Variants in FBXL17 observed in about 807,000 individuals in gnomAD.
FBXL17 encodes the protein F-box/LRR-repeat protein 17.
A neutral mutation model predicts 66.2 loss-of-function variants in FBXL17; 22 were observed. That is an observed-to-expected ratio of 0.33 (90% CI 0.24 to 0.47). The LOEUF (loss-of-function observed/expected upper bound fraction) is 0.47. Ranked by LOEUF, FBXL17 falls within the 20% of genes least tolerant of loss-of-function variation. FBXL17 has a pLI of 1.00. For missense variants in FBXL17, 878 were observed against 948.2 expected (o/e 0.93, Z 0.97); for synonymous variants, 474 against 400.5 (o/e 1.18, Z -2.19).
At chr5:108,125,586 G>A (rs1750666334) in intron 6 of FBXL17, among the ~76,000 whole-genome samples, 1 of 151,980 alleles carries the variant, frequency 6.6e-6, no homozygotes, top group African/African-American at 2.4e-5. Flanking sequence ...TATGGAGGGT[G>A]GCAAGGAAGG....
At chr5:108,185,185 T>C (rs1753177967) in intron 6 of FBXL17, among the ~76,000 whole-genome samples, 1 of 152,162 alleles carries the variant, frequency 6.6e-6, no homozygotes, top group African/African-American at 2.4e-5. Context: ...TACATATATA[T>C]ATACTGAGAA....
chr5:108,102,051 T>C (rs1459195087), intron 6 of FBXL17, among the ~76,000 whole-genome samples: 1 of 151,852 alleles, frequency 6.6e-6, no homozygotes, highest in East Asian at 1.9e-4. Flanking sequence ...GGGGCCCAAG[T>C]GAGATGAGCT....
chr5:107,947,832 A>T (rs961399524), intron 7 of FBXL17, among the ~76,000 whole-genome samples: 4 of 152,146 alleles, frequency 2.6e-5, no homozygotes, highest in African/African-American at 9.7e-5. Flanking sequence ...TTACAGAGCT[A>T]AAGTTCTATG....
At chr5:108,332,666 G>T (rs577465525) in intron 4 of FBXL17, among the ~76,000 whole-genome samples, 1 of 152,026 alleles carries the variant, frequency 6.6e-6, no homozygotes, top group East Asian at 1.9e-4. Context: ...GGAGTGCAGC[G>T]GCTTGATCTC....
intron 7 of FBXL17, among the ~76,000 whole-genome samples, chr5:107,931,383 C>T: frequency 6.6e-6 from 1 of 151,786 alleles, no homozygotes; most frequent in East Asian, 1.9e-4. Flanking sequence ...CCTCAGCCTC[C>T]CAAGTAGCTG....
intron 4 of FBXL17, among the ~76,000 whole-genome samples, chr5:108,271,889 A>G (rs571564632): frequency 2.0e-5 from 3 of 152,162 alleles, no homozygotes; most frequent in African/African-American, 7.2e-5. Flanking sequence ...CAGTTTCTTC[A>G]TCTATAAAAT....
intron 7 of FBXL17, among the ~76,000 whole-genome samples, chr5:107,944,485 G>A: frequency 6.6e-6 from 1 of 152,170 alleles, no homozygotes; most frequent in African/African-American, 2.4e-5. Flanking sequence ...TCATCAGCAA[G>A]CATGTTCTAA....
At chr5:107,913,780 G>A (rs1167698843) in intron 7 of FBXL17, among the ~76,000 whole-genome samples, 2 of 152,108 alleles carry the variant, frequency 1.3e-5, no homozygotes, top group African/African-American at 4.8e-5. Flanking sequence ...TAGTGTCACT[G>A]CTTATTCTGC....
intron 6 of FBXL17, among the ~76,000 whole-genome samples, chr5:108,150,671 T>C (rs910197524): frequency 6.6e-6 from 1 of 152,232 alleles, no homozygotes; most frequent in Non-Finnish European, 1.5e-5. Context: ...TCTTGATTTG[T>C]CTGATTGCTT....
intron 4 of FBXL17, among the ~76,000 whole-genome samples, chr5:108,294,151 T>C (rs1758244513): frequency 6.7e-6 from 1 of 149,390 alleles, no homozygotes; most frequent in Non-Finnish European, 1.5e-5. Context: ...AATCTATACT[T>C]ATTTCTAACA....
At chr5:108,012,425 G>C (rs1049530870) in intron 7 of FBXL17, among the ~76,000 whole-genome samples, 1 of 152,196 alleles carries the variant, frequency 6.6e-6, no homozygotes, top group Non-Finnish European at 1.5e-5. Context: ...AACCTATTAA[G>C]TTCTAGAAGA....
intron 4 of FBXL17, among the ~76,000 whole-genome samples, chr5:108,333,359 A>G (rs991154697): frequency 2.0e-5 from 3 of 152,078 alleles, no homozygotes; most frequent in Non-Finnish European, 4.4e-5. Context: ...ATGAGACTTC[A>G]TGCAAAGATG....
At chr5:107,880,932 T>A (rs1748768522) in intron 8 of FBXL17, 105 bp downstream of exon 8, 1 of 1,571,112 alleles carries the variant, frequency 6.4e-7, no homozygotes, top group African/African-American at 1.4e-5. Flanking sequence ...GTATATATAA[T>A]ATATAATACA....
At chr5:108,000,282 G>A (rs879739542) in intron 7 of FBXL17, among the ~76,000 whole-genome samples, 1 of 152,186 alleles carries the variant, frequency 6.6e-6, no homozygotes, top group Non-Finnish European at 1.5e-5. Flanking sequence ...CTTCTTATAC[G>A]CATACTGCTA....
intron 7 of FBXL17, among the ~76,000 whole-genome samples, chr5:107,910,961 T>C (rs925233819): frequency 2.6e-5 from 4 of 152,258 alleles, no homozygotes; most frequent in African/African-American, 9.6e-5. Context: ...AAATACGTCC[T>C]TTGTCTTCAG....
At chr5:108,079,385 A>T (rs1314887493) in intron 6 of FBXL17, among the ~76,000 whole-genome samples, 1 of 152,092 alleles carries the variant, frequency 6.6e-6, no homozygotes, top group Non-Finnish European at 1.5e-5. Context: ...AATTTTTGAC[A>T]TATTTCTGAA....
At chr5:107,903,819 T>C (rs572483215) in intron 7 of FBXL17, among the ~76,000 whole-genome samples, 2 of 152,288 alleles carry the variant, frequency 1.3e-5, no homozygotes, top group South Asian at 2.1e-4. Flanking sequence ...TTTTACACCA[T>C]GATTTGAGCT....
intron 6 of FBXL17, among the ~76,000 whole-genome samples, chr5:108,027,066 T>C (rs1754853259): frequency 6.6e-6 from 1 of 152,156 alleles, no homozygotes; most frequent in Non-Finnish European, 1.5e-5. Context: ...AATGAAAAAG[T>C]AATATACCAA....
chr5:108,038,811 G>A (rs895825565), intron 6 of FBXL17, among the ~76,000 whole-genome samples: 2 of 151,974 alleles, frequency 1.3e-5, no homozygotes, highest in African/African-American at 4.8e-5. Context: ...AACTTAAAAG[G>A]TTTCTACACT....
Sources: gnomAD v4.1 joint callset for allele counts (sites outside exome capture counted in the v4.1 genomes callset) on GRCh38, gnomAD v4.1.1 for gene constraint, MANE v1.5 for transcripts, NCBI Gene and HGNC (gene_info 2026-07-23, HGNC 2026-07-21) for gene names.